CRIP2: variants seen among roughly 807,000 people sequenced by gnomAD.
The protein encoded by CRIP2 is cysteine rich protein 2, also known as cysteine-rich protein 2.
CRIP2 carries 31 observed loss-of-function variants against 31.3 expected under a neutral mutation model. The ratio of observed to expected loss-of-function variants is 0.99; its 90% CI spans 0.74 to 1.34. The LOEUF (loss-of-function observed/expected upper bound fraction) is 1.34, where lower values mean the gene tolerates loss of function less well. CRIP2 is among the 40% of genes most tolerant of loss of function. The probability of loss-of-function intolerance (pLI) is 0.00; values close to 1 mark genes in which losing one functional copy is unlikely to be tolerated. For synonymous variants in CRIP2, 177 were observed against 127.2 expected, an observed-to-expected ratio of 1.39 and a Z score of -2.63; for missense variants, 389 against 301.6, an observed-to-expected ratio of 1.29 and a Z score of -2.15.
At position 105,478,363 on chromosome 14, in the gene CRIP2, G is replaced by A. The variant is rs2083998774; in HGVS notation, c.138+3G>A. ...TGACGCCCGGGGGCCACGCCGAGGT[G>A]AGCCCCACTGCGCGGCGCGGGCGGG... is the stretch of plus-strand genomic sequence containing the variant. On this transcript the variant is annotated splice_donor_region_variant and intron_variant, in intron 2 of 7. Transcript: ENST00000329146. This position sits in a 1 kb window ranked among gnomAD's most constrained non-coding sequence, Gnocchi z 4.9. The A allele has an allele frequency of 1.9e-6, 3 of 1,572,886 alleles. No individual in the cohort carries two copies. The highest frequency in any genetic ancestry group is 1.7e-6 in the Non-Finnish European group (2 of 1,161,572).
In CRIP2 at chr14:105,477,603, T is replaced by A. The variant is rs112750043; in HGVS notation, c.44-663T>A. The A allele has an allele frequency of 4.3e-4, 393 of 916,926 alleles. 2 individuals carry two copies. The African/African-American group carries it at 7.1e-3, about 17-fold the overall frequency. The allele number at this position is 916,926 out of a possible 1,614,324, so 56.8% of individuals were successfully genotyped here. A position where few individuals can be genotyped will look rare whatever the true frequency, so the allele number is the denominator to read the frequency against. ...GAAGCAGGTGCACTGCAGAGGCAGG[T>A]GTGTGAGTGTAAGAGAAGTGTTTGA... On this transcript the variant is annotated intron_variant, in intron 1 of 7. Coordinates refer to ENST00000329146, the MANE Select transcript of CRIP2 (RefSeq NM_001312.4).
Position 105,479,662 on chromosome 14 carries a change from G to A in CRIP2, c.*9G>A, listed in dbSNP as rs138027167. 7.5e-6 allele frequency: 12 copies of A among 1,610,318 alleles called. No individual in the cohort carries two copies. Among genetic ancestry groups the A allele is most frequent in the East Asian group, 2.2e-5 (1 of 44,754 alleles). On this transcript the variant is annotated 3_prime_UTR_variant, in exon 8 of 8. Transcript: ENST00000329146. ...GCAAGGTCCAGCCCTAGGCTACAGCGGCTCTCATGATGTGGGCTCACCTGC... is the reference window on the plus strand; with the variant it reads ...GCAAGGTCCAGCCCTAGGCTACAGCAGCTCTCATGATGTGGGCTCACCTGC...
chr14:105,479,820 G>A lies in CRIP2; in HGVS notation c.*167G>A, dbSNP rs2084052975. The A allele has an allele frequency of 1.4e-6, 1 of 704,374 alleles. No individual in the cohort carries two copies. Among genetic ancestry groups the A allele is most frequent in the Non-Finnish European group, 2.4e-6 (1 of 417,442 alleles). 43.6% of individuals were successfully genotyped at this position (704,374 alleles called of 1,614,324 possible). Reference sequence around the variant, plus strand: ...GGCAGAGCACCATGCCCATCCCCGAGTCTCTGGTGTGTCTGCCCCCTCTGG... The same window carrying A: ...GGCAGAGCACCATGCCCATCCCCGAATCTCTGGTGTGTCTGCCCCCTCTGG... On this transcript the variant is annotated 3_prime_UTR_variant, in exon 8 of 8. Transcript: ENST00000329146.
At chr14:105,476,227 T>C in intron 1 of CRIP2, 2 of 985,448 alleles carry the variant, frequency 2.0e-6, no homozygotes, top group Non-Finnish European at 2.4e-6. Flanking sequence ...CCTGGGGCTC[T>C]CCAGGGTCTC....
rs781904647 is a variant in CRIP2, at chr14:105,479,262, G to C, written c.501+43G>C. On this transcript the variant is annotated intron_variant, in intron 6 of 7. Coordinates refer to ENST00000329146, the MANE Select transcript of CRIP2 (RefSeq NM_001312.4). ...GGGCTTGGGGGCCGGGCAGGGGCGCGGGGTCGGGGGGATGAGGGTGAGAGG... is the reference window on the plus strand; with the variant it reads ...GGGCTTGGGGGCCGGGCAGGGGCGCCGGGTCGGGGGGATGAGGGTGAGAGG... The C allele has an allele frequency of 4.5e-6, 7 of 1,554,182 alleles. No homozygotes were observed. The South Asian group carries it at 7.0e-5, about 16-fold the overall frequency.
intron 1 of CRIP2, chr14:105,477,347 T>C: frequency 2.0e-6 from 2 of 985,358 alleles, no homozygotes; most frequent in Non-Finnish European, 2.4e-6. Context: ...CCAGGGGCAT[T>C]ACGGCGGGGG....
chr14:105,475,589 C>T (rs2083915113), intron 1 of CRIP2, among the ~76,000 whole-genome samples: 1 of 152,198 alleles, frequency 6.6e-6, no homozygotes, highest in Non-Finnish European at 1.5e-5. Flanking sequence ...GCTCAAGCAG[C>T]CCAGGTGTCC....
intron 5 of CRIP2, 25 bp from the exon 6 acceptor site, chr14:105,479,100 C>A (rs1861534050): frequency 3.1e-6 from 5 of 1,606,842 alleles, no homozygotes; most frequent in Non-Finnish European, 4.2e-6. Flanking sequence ...CCCCGGGGCT[C>A]GGCCTCACTC....
chr14:105,476,647 C>G, intron 1 of CRIP2: 1 of 985,470 alleles, frequency 1.0e-6, no homozygotes, highest in Non-Finnish European at 1.2e-6. Context: ...TGCTGGCAGC[C>G]CTGGGCTGCA....
chr14:105,478,038 C>T lies in CRIP2; in HGVS notation c.44-228C>T, dbSNP rs928760274. On this transcript the variant is annotated intron_variant, in intron 1 of 7. Coordinates refer to ENST00000329146, the MANE Select transcript of CRIP2 (RefSeq NM_001312.4). This position sits in a 1 kb window ranked among gnomAD's most constrained non-coding sequence, Gnocchi z 4.9. Reference sequence around the variant, plus strand: ...TCTCAAAGGCGGCTCTAGCGGGGTTCCAGGGCTGGGGGCGCTGAGACCCAG... The same window carrying T: ...TCTCAAAGGCGGCTCTAGCGGGGTTTCAGGGCTGGGGGCGCTGAGACCCAG... 2.0e-4 allele frequency among the ~76,000 whole-genome samples: 31 copies of T among 151,746 alleles called. No homozygotes were observed. The highest frequency in any genetic ancestry group is 3.1e-4 in the Non-Finnish European group (21 of 67,888).
At chr14:105,474,798 G>A (rs2141744323), upstream of CRIP2, 10 of 1,272,606 alleles carry the variant, frequency 7.9e-6, no homozygotes, top group Non-Finnish European at 1.0e-5. The surrounding 1 kb of genome is among the most constrained non-coding windows in gnomAD (Gnocchi z 5.1). Context: ...GGCGGGGCTG[G>A]GCGCGGGCGG....
rs1555436499 is a variant in CRIP2, at chr14:105,478,746, G to A, written c.212G>A (p.Gly71Asp). The change falls in exon 4 of 8, where the codon GGC (glycine) becomes GAC (aspartate). Residue 71 changes from glycine to aspartate, a missense_variant. Transcript: ENST00000329146. This position sits in a 1 kb window ranked among gnomAD's most constrained non-coding sequence, Gnocchi z 4.9. ...LFGPKGVNIG[G>D]AGSYIYEKPL... ...CCACCCGCAGGCGTGAACATCGGGGGCGCGGGCTCCTACATCTACGAGAAG... is the reference window on the plus strand; with the variant it reads ...CCACCCGCAGGCGTGAACATCGGGGACGCGGGCTCCTACATCTACGAGAAG... 7.0e-6 allele frequency: 10 copies of A among 1,431,990 alleles called. No homozygotes were observed. The Admixed American group carries it at 1.1e-4, about 16-fold the overall frequency. 88.7% of individuals were successfully genotyped at this position (1,431,990 alleles called of 1,614,324 possible).
chr14:105,474,970 C>T lies in CRIP2; in HGVS notation c.43+65C>T. ...GCCGCCCTTCGCGGCCAGTCCCGCG[C>T]CGCAGAGCCGCGGCGTAACTCGGGG... On this transcript the variant is annotated intron_variant, in intron 1 of 7. Coordinates refer to ENST00000329146, the MANE Select transcript of CRIP2 (RefSeq NM_001312.4). The surrounding 1 kb of genome is among the most constrained non-coding windows in gnomAD (Gnocchi z 5.1). The T allele has an allele frequency of 1.4e-6, 2 of 1,406,072 alleles. No individual in the cohort carries two copies. The highest frequency in any genetic ancestry group is 3.2e-5 in the East Asian group (1 of 31,076). 87.1% of individuals were successfully genotyped at this position (1,406,072 alleles called of 1,614,324 possible). A position where few individuals can be genotyped will look rare whatever the true frequency, so the allele number is the denominator to read the frequency against.
chr14:105,477,993 C>G (rs2083984384), intron 1 of CRIP2, among the ~76,000 whole-genome samples: 1 of 151,446 alleles, frequency 6.6e-6, no homozygotes, highest in Non-Finnish European at 1.5e-5. Context: ...AGGGGACTAA[C>G]AGGGCAGCCC....
intron 1 of CRIP2, chr14:105,477,247 G>A (rs1350123018): frequency 1.0e-6 from 1 of 984,714 alleles, no homozygotes; most frequent in African/African-American, 1.7e-5. Flanking sequence ...CTGGGAAGCA[G>A]TCCAGTAGCC....
Position 105,478,946 on chromosome 14 carries a change from GC to G in CRIP2, c.338-29del. 1 of 1,536,072 alleles carries G rather than the reference GC, an allele frequency of 6.5e-7. No homozygotes were observed. On this transcript the variant is annotated intron_variant, in intron 4 of 7. Transcript: ENST00000329146. The surrounding 1 kb of genome is among the most constrained non-coding windows in gnomAD (Gnocchi z 4.9). ...GGGCTGGGGGTTGTGGGCACCCCCGGCCCCGCCCCGCCCTGACTCGTGCGCC... is the reference window on the plus strand; with the variant it reads ...GGGCTGGGGGTTGTGGGCACCCCCGGCCCGCCCCGCCCTGACTCGTGCGCC...
intron 1 of CRIP2, chr14:105,476,457 G>A: frequency 1.0e-6 from 1 of 985,526 alleles, no homozygotes; most frequent in Non-Finnish European, 1.2e-6. Flanking sequence ...CATTGAGGAG[G>A]CCACCCCAGA....
chr14:105,478,928 G>A lies in CRIP2; in HGVS notation c.338-51G>A, dbSNP rs190707303. On this transcript the variant is annotated intron_variant, in intron 4 of 7. Coordinates refer to ENST00000329146, the MANE Select transcript of CRIP2 (RefSeq NM_001312.4). The surrounding 1 kb of genome is among the most constrained non-coding windows in gnomAD (Gnocchi z 4.9). Reference sequence around the variant, plus strand: ...GTGGGCACGCGCGGGCTGGGGCTGGGGGTTGTGGGCACCCCCGGCCCCGCC... The same window carrying A: ...GTGGGCACGCGCGGGCTGGGGCTGGAGGTTGTGGGCACCCCCGGCCCCGCC... The A allele has an allele frequency of 8.4e-3, 12,806 of 1,526,948 alleles. 932 individuals carry two copies. The African/African-American group carries it at 0.16, about 19-fold the overall frequency. The allele number at this position is 1,526,948 out of a possible 1,614,324, so 94.6% of individuals were successfully genotyped here.
At position 105,479,067 on chromosome 14, in the gene CRIP2, C is replaced by G. The variant is rs1567063659; in HGVS notation, c.406+20C>G. On this transcript the variant is annotated intron_variant, in intron 5 of 7. Coordinates refer to ENST00000329146, the MANE Select transcript of CRIP2 (RefSeq NM_001312.4). ...ACTTCGGTGAGTGCGCGCCCGGGCC[C>G]CGGACCCCCGCCCCCGCCCCCGCCC... The G allele has an allele frequency of 1.3e-6, 2 of 1,567,240 alleles. No individual in the cohort carries two copies. Among genetic ancestry groups the G allele is most frequent in the Non-Finnish European group, 1.7e-6 (2 of 1,157,312 alleles).
Sources: allele counts gnomAD v4.1 joint callset (sites outside exome capture counted in the v4.1 genomes callset), GRCh38; gene constraint gnomAD v4.1.1; non-coding constraint Gnocchi (gnomAD v3.1); transcripts MANE v1.5; gene names NCBI Gene and HGNC (gene_info 2026-07-23, HGNC 2026-07-21).